The following TPST1 variants were observed in gnomAD, a reference collection of about 807,000 sequenced individuals.
TPST1 encodes the protein protein-tyrosine sulfotransferase 1.
TPST1 carries 20 observed loss-of-function variants against 34.8 expected under a neutral mutation model. The ratio of observed to expected loss-of-function variants is 0.57; its 90% CI spans 0.40 to 0.84. The LOEUF (loss-of-function observed/expected upper bound fraction) is 0.84. Among genes scored for constraint, TPST1 ranks in the 40% least tolerant of loss-of-function variants. TPST1 has a pLI of 0.00. For synonymous variants in TPST1, 152 were observed against 159.4 expected (o/e 0.95, Z 0.35); for missense variants, 353 against 455.5 (o/e 0.78, Z 2.05).
intron 2 of TPST1, among the ~76,000 whole-genome samples, chr7:66,263,133 T>A (rs1232253533): frequency 2.0e-5 from 3 of 151,648 alleles, no homozygotes; most frequent in East Asian, 3.9e-4. Context: ...AATAAAAAAA[T>A]AAAATAAAAT....
At chr7:66,347,991 A>T (rs1792389886) in intron 3 of TPST1, among the ~76,000 whole-genome samples, 1 of 152,128 alleles carries the variant, frequency 6.6e-6, no homozygotes, top group Admixed American at 6.5e-5. Flanking sequence ...TGTAAGACTT[A>T]CAGAATGAAA....
At chr7:66,314,459 G>A (rs1791594155) in intron 3 of TPST1, among the ~76,000 whole-genome samples, 1 of 152,192 alleles carries the variant, frequency 6.6e-6, no homozygotes, top group South Asian at 2.1e-4. Context: ...CCTGCAGTGA[G>A]CTGAGATTGC....
intron 3 of TPST1, among the ~76,000 whole-genome samples, chr7:66,295,051 G>A (rs140031284): frequency 0.011 from 1,656 of 151,994 alleles, 18 homozygotes; most frequent in Non-Finnish European, 0.018. Flanking sequence ...GTTGTTTACC[G>A]TTTTCTCTTT....
At chr7:66,227,181 C>T (rs927878059) in intron 1 of TPST1, among the ~76,000 whole-genome samples, 8 of 151,514 alleles carry the variant, frequency 5.3e-5, no homozygotes, top group East Asian at 2.0e-4. Flanking sequence ...TACAGGCACC[C>T]GCCATGATGC....
At chr7:66,343,169 AT>A (rs1792274362) in intron 3 of TPST1, among the ~76,000 whole-genome samples, 1 of 152,176 alleles carries the variant, frequency 6.6e-6, no homozygotes, top group South Asian at 2.1e-4. Context: ...AAATGAACTA[AT>A]TTTCAGACCC....
At chr7:66,324,194 A>G (rs2116221776) in intron 3 of TPST1, among the ~76,000 whole-genome samples, 1 of 152,324 alleles carries the variant, frequency 6.6e-6, no homozygotes, top group African/African-American at 2.4e-5. Context: ...GGGTACATAG[A>G]ATAGGTCAAT....
chr7:66,260,949 C>A (rs1790474310), intron 2 of TPST1, among the ~76,000 whole-genome samples: 1 of 152,156 alleles, frequency 6.6e-6, no homozygotes, highest in Non-Finnish European at 1.5e-5. Context: ...TAAATTCGTT[C>A]TTTCCATTTA....
intron 1 of TPST1, among the ~76,000 whole-genome samples, chr7:66,236,756 A>G (rs1467722839): frequency 1.3e-5 from 2 of 152,190 alleles, no homozygotes; most frequent in African/African-American, 4.8e-5. Flanking sequence ...AAGTTCACAT[A>G]CTATATATAA....
At chr7:66,297,481 A>C (rs1299335710) in intron 3 of TPST1, among the ~76,000 whole-genome samples, 1 of 152,240 alleles carries the variant, frequency 6.6e-6, no homozygotes, top group Non-Finnish European at 1.5e-5. Context: ...TGAGGAACAG[A>C]GTCCTCAGGG....
intron 1 of TPST1, among the ~76,000 whole-genome samples, chr7:66,234,400 T>TACACACACACAC (rs56139529): frequency 0.07 from 9,977 of 142,844 alleles, 447 homozygotes; most frequent in African/African-American, 0.12. Flanking sequence ...AAAGCATGGC[T>TACACACACACAC]ACACACACAC....
At chr7:66,270,766 A>G (rs1442209737) in intron 2 of TPST1, among the ~76,000 whole-genome samples, 1 of 152,216 alleles carries the variant, frequency 6.6e-6, no homozygotes, top group Non-Finnish European at 1.5e-5. Flanking sequence ...TTGATCGCTG[A>G]GCCCAGAGGC....
At chr7:66,310,051 C>T (rs149865209) in intron 3 of TPST1, among the ~76,000 whole-genome samples, 79 of 152,240 alleles carry the variant, frequency 5.2e-4, no homozygotes, top group South Asian at 2.1e-3. Context: ...CTTTGCCTGG[C>T]TAGCAAAGGT....
intron 3 of TPST1, among the ~76,000 whole-genome samples, chr7:66,321,422 T>C (rs997491324): frequency 6.6e-6 from 1 of 152,242 alleles, no homozygotes; most frequent in Non-Finnish European, 1.5e-5. Context: ...ATAAATCACA[T>C]TGTTAGCATA....
intron 1 of TPST1, among the ~76,000 whole-genome samples, chr7:66,210,305 G>GAT (rs748326077): frequency 2.6e-5 from 4 of 152,222 alleles, no homozygotes; most frequent in Non-Finnish European, 5.9e-5. Flanking sequence ...GGAAGCCAAT[G>GAT]ATAACATCTT....
chr7:66,251,415 C>G (rs984176805), intron 2 of TPST1, among the ~76,000 whole-genome samples: 17 of 152,152 alleles, frequency 1.1e-4, no homozygotes, highest in Admixed American at 5.2e-4. Flanking sequence ...CGCTTATGCA[C>G]TGTTCCCCTC....
intron 2 of TPST1, among the ~76,000 whole-genome samples, chr7:66,270,791 G>T (rs1257549701): frequency 6.6e-6 from 1 of 152,090 alleles, no homozygotes; most frequent in African/African-American, 2.4e-5. Flanking sequence ...TCACACTCAA[G>T]GTCTTATTTG....
chr7:66,204,292 AAGGT>A (rs1236910189), upstream of TPST1, among the ~76,000 whole-genome samples: 1 of 152,182 alleles, frequency 6.6e-6, no homozygotes, highest in African/African-American at 2.4e-5. Flanking sequence ...TGTGCAAAGG[AAGGT>A]AGTTACCTTC....
chr7:66,225,404 G>C (rs1789633498), intron 1 of TPST1, among the ~76,000 whole-genome samples: 1 of 151,486 alleles, frequency 6.6e-6, no homozygotes, highest in Non-Finnish European at 1.5e-5. Context: ...CTGAGATCAG[G>C]AGTTCAAGGC....
intron 2 of TPST1, among the ~76,000 whole-genome samples, chr7:66,247,689 G>C (rs1790179905): frequency 6.6e-6 from 1 of 152,244 alleles, no homozygotes. Context: ...AGGCGCTGTA[G>C]TTCTTCCTTG....
Sources: allele counts gnomAD v4.1 joint callset (sites outside exome capture counted in the v4.1 genomes callset), GRCh38; gene constraint gnomAD v4.1.1; transcripts MANE v1.5; gene names NCBI Gene and HGNC (gene_info 2026-07-23, HGNC 2026-07-21).